CNGB1: variants seen among roughly 807,000 people sequenced by gnomAD.
The protein encoded by CNGB1 is cyclic nucleotide gated channel subunit beta 1.
CNGB1 carries 126 observed loss-of-function variants against 151.7 expected under a neutral mutation model. The ratio of observed to expected loss-of-function variants is 0.83; its 90% CI spans 0.72 to 0.96. The LOEUF is 0.96. CNGB1 is among the 40% of genes least tolerant of loss of function. CNGB1 has a pLI of 0.00. For synonymous variants in CNGB1, 623 were observed against 635.1 expected (o/e 0.98, Z 0.29); for missense variants, 1,698 against 1,627.0 (o/e 1.04, Z -0.75).
intron 20 of CNGB1, 149 bp from the exon 21 acceptor site, chr16:57,917,625 TATAC>T (rs1166809371): frequency 9.5e-5 from 61 of 640,784 alleles, no homozygotes; most frequent in African/African-American, 8.6e-4. Flanking sequence ...TGTGTGTATA[TATAC>T]ACACACACAC....
chr16:57,887,514 G>C (rs1959965084), intron 32 of CNGB1, among the ~76,000 whole-genome samples: 1 of 151,838 alleles, frequency 6.6e-6, no homozygotes, highest in Non-Finnish European at 1.5e-5. Flanking sequence ...ATGCCAGGAG[G>C]ATGTCATCCT....
chr16:57,887,893 G>A lies in CNGB1; in HGVS notation c.3424C>T (p.Leu1142=). The A allele has an allele frequency of 6.2e-7, 1 of 1,614,184 alleles. No individual in the cohort carries two copies. The highest frequency in any genetic ancestry group is 8.5e-7 in the Non-Finnish European group (1 of 1,180,034). Residue 1142 remains leucine (L), a synonymous_variant, in exon 32 of 33, where the codon CTG becomes TTG. Coordinates refer to ENST00000251102, the MANE Select transcript of CNGB1 (RefSeq NM_001297.5). ...TCTTGCTGCTTTGCAGCCGCCTCCA[G>A]CGCGGCCAGTTCTTTGAGCCGGGCC... The part of the protein sequence containing the change: ...LRARLKELAA[L]EAAAKQQELV...
intron 31 of CNGB1, 112 bp from the exon 32 acceptor site, chr16:57,888,186 G>A: frequency 8.7e-7 from 1 of 1,148,742 alleles, no homozygotes; most frequent in Non-Finnish European, 1.3e-6. Flanking sequence ...GATTTTGGCT[G>A]GTGATTGTAG....
intron 25 of CNGB1, among the ~76,000 whole-genome samples, chr16:57,905,332 C>T (rs752206984): frequency 6.6e-6 from 1 of 151,644 alleles, no homozygotes; most frequent in African/African-American, 2.4e-5. Flanking sequence ...TTTTTCTGAC[C>T]CGCCCCTACC....
chr16:57,928,475 C>G (rs1322670977), intron 17 of CNGB1, among the ~76,000 whole-genome samples: 1 of 152,182 alleles, frequency 6.6e-6, no homozygotes, highest in African/African-American at 2.4e-5. Flanking sequence ...TGGAATGAGA[C>G]AGCACCGTAA....
chr16:57,960,786 C>G, intron 8 of CNGB1, 54 bp downstream of exon 8: 1 of 1,569,716 alleles, frequency 6.4e-7, no homozygotes, highest in Non-Finnish European at 8.7e-7. Context: ...CCTCCTGGGG[C>G]CCCAGAAGCC....
intron 24 of CNGB1, among the ~76,000 whole-genome samples, chr16:57,912,580 G>A (rs1285252815): frequency 6.6e-6 from 1 of 150,476 alleles, no homozygotes; most frequent in African/African-American, 2.5e-5. Context: ...TGTTGTGTGT[G>A]TGTGTGTGTG....
chr16:57,903,154 G>C (rs1283541090), intron 27 of CNGB1, among the ~76,000 whole-genome samples: 2 of 151,580 alleles, frequency 1.3e-5, no homozygotes, highest in Admixed American at 6.6e-5. Context: ...AGAGAGGAAG[G>C]GAGGGAGGAA....
At chr16:57,949,234 T>C (rs895924163) in intron 14 of CNGB1, 119 bp downstream of exon 14, 52 of 1,574,360 alleles carry the variant, frequency 3.3e-5, no homozygotes, top group Non-Finnish European at 1.4e-5. Flanking sequence ...AAGCCCAGCC[T>C]TACACAGCAC....
Position 57,962,827 on chromosome 16 carries a change from G to A in CNGB1, c.412+15C>T. ...AGCCCTGCTGCTGAAAAGCCATCCT[G>A]CCCCTTGTTCTTACCTGTGTCCCCA... On this transcript the variant is annotated intron_variant, in intron 6 of 32. Coordinates refer to ENST00000251102, the MANE Select transcript of CNGB1 (RefSeq NM_001297.5). 6.2e-7 allele frequency: 1 copy of A among 1,612,610 alleles called. No homozygotes were observed. The highest frequency in any genetic ancestry group is 1.1e-5 in the South Asian group (1 of 91,074).
chr16:57,952,566 G>A (rs1339508562), intron 12 of CNGB1, among the ~76,000 whole-genome samples: 1 of 115,702 alleles, frequency 8.6e-6, no homozygotes, highest in Non-Finnish European at 1.6e-5. Flanking sequence ...GCAATGGTAT[G>A]ATCTTGGCTC....
intron 11 of CNGB1, 149 bp from the exon 12 acceptor site, chr16:57,957,526 C>T (rs989819448): frequency 2.7e-6 from 2 of 729,956 alleles, no homozygotes; most frequent in Non-Finnish European, 4.9e-6. Context: ...CTGCTGTGCC[C>T]AGGGCCAATG....
chr16:57,926,103 G>A (rs533657835), intron 17 of CNGB1, among the ~76,000 whole-genome samples: 147 of 152,290 alleles, frequency 9.7e-4, no homozygotes, highest in African/African-American at 3.4e-3. Flanking sequence ...TGATTAATCT[G>A]CAATTCCCAG....
chr16:57,961,065 G>T (rs1962243009), intron 7 of CNGB1, 150 bp from the exon 8 acceptor site: 5 of 734,506 alleles, frequency 6.8e-6, no homozygotes, highest in Non-Finnish European at 1.2e-5. Context: ...CTCTCAAAGG[G>T]CCCCAAGCGG....
intron 18 of CNGB1, among the ~76,000 whole-genome samples, chr16:57,921,466 C>T (rs376603698): frequency 6.6e-6 from 1 of 152,102 alleles, no homozygotes; most frequent in Non-Finnish European, 1.5e-5. Flanking sequence ...AGGTGATCCA[C>T]CTGCTTCGGC....
intron 20 of CNGB1, among the ~76,000 whole-genome samples, chr16:57,918,739 A>G (rs997645748): frequency 6.6e-6 from 1 of 152,080 alleles, no homozygotes; most frequent in African/African-American, 2.4e-5. Flanking sequence ...TCACTCTGTC[A>G]CCTAGGTTGG....
chr16:57,896,273 T>C (rs1272468615), intron 31 of CNGB1, among the ~76,000 whole-genome samples: 2 of 152,146 alleles, frequency 1.3e-5, no homozygotes, highest in Non-Finnish European at 2.9e-5. Flanking sequence ...ATCATCGATA[T>C]TGGGAGTAAA....
intron 25 of CNGB1, among the ~76,000 whole-genome samples, chr16:57,905,557 C>T (rs928679125): frequency 8.5e-5 from 13 of 152,226 alleles, no homozygotes; most frequent in Middle Eastern, 3.2e-3. Flanking sequence ...AGGAAATGCC[C>T]CAAGTGCTCC....
In CNGB1 at chr16:57,916,129, C is replaced by A; in HGVS notation, c.2217G>T (p.Lys739Asn). 6.2e-7 allele frequency: 1 copy of A among 1,614,078 alleles called. No individual in the cohort carries two copies. The highest frequency in any genetic ancestry group is 8.5e-7 in the Non-Finnish European group (1 of 1,179,982). The change falls in exon 22 of 33, where the codon AAG becomes AAT. Residue 739 changes from lysine (K) to asparagine (N), a missense_variant and splice_region_variant. Physicochemically the swap from Lys to Asn is moderately conservative, Grantham distance 94. Transcript: ENST00000251102. ...TAAACCTTGCATGCCCGGCACACAC[C>A]TTGAAGCGGCGAGACTTCAGGTAGT... ...RNNYLKSRRF[K>N]MDLLSLLPLD...
Sources: gnomAD v4.1 joint callset for allele counts (sites outside exome capture counted in the v4.1 genomes callset) on GRCh38, gnomAD v4.1.1 for gene constraint, MANE v1.5 for transcripts, NCBI Gene and HGNC (gene_info 2026-07-23, HGNC 2026-07-21) for gene names.